The following BRD9 variants were observed in gnomAD, a reference collection of about 807,000 sequenced individuals.
The protein encoded by BRD9 is bromodomain-containing protein 9.
Under a neutral mutation model 68.7 loss-of-function variants are expected in BRD9, and 47 were observed. That is an observed-to-expected ratio of 0.68 (90% CI 0.54 to 0.87). BRD9 has a LOEUF of 0.87. BRD9 is among the 40% of genes least tolerant of loss of function. The probability of loss-of-function intolerance (pLI) is 0.00; values close to 1 mark genes in which losing one functional copy is unlikely to be tolerated. For synonymous variants in BRD9, 313 were observed against 293.9 expected, an observed-to-expected ratio of 1.06 and a Z score of -0.67; for missense variants, 670 against 748.4, an observed-to-expected ratio of 0.90 and a Z score of 1.22.
At chr5:874,538 G>A (rs1055815031) in intron 12 of BRD9, among the ~76,000 whole-genome samples, 3 of 152,176 alleles carry the variant, frequency 2.0e-5, no homozygotes, top group South Asian at 2.1e-4. Flanking sequence ...CACCAGGCAC[G>A]TGCACAATGG....
At chr5:865,085 A>G (rs1403731375) in intron 15 of BRD9, among the ~76,000 whole-genome samples, 2 of 152,226 alleles carry the variant, frequency 1.3e-5, no homozygotes, top group African/African-American at 4.8e-5. Flanking sequence ...CCACTCCAGG[A>G]CACATGGCCA....
Position 888,966 on chromosome 5 carries a change from G to T in BRD9, c.606+55C>A, listed in dbSNP as rs766207695. On this transcript the variant is annotated intron_variant, in intron 5 of 15. Coordinates refer to ENST00000467963, the MANE Select transcript of BRD9 (RefSeq NM_023924.5). ...TCTAAGGTGAATGAAGTCTTCACAA[G>T]ACATGAATACACAGAACTATGCCAC... 1.5e-4 allele frequency: 234 copies of T among 1,545,680 alleles called. 1 individual carries two copies. The highest frequency in any genetic ancestry group is 1.8e-4 in the Middle Eastern group (1 of 5,698).
chr5:867,703 T>C (rs571761747), intron 14 of BRD9, among the ~76,000 whole-genome samples: 17 of 152,350 alleles, frequency 1.1e-4, no homozygotes, highest in African/African-American at 3.6e-4. Flanking sequence ...TTTTGGCTGA[T>C]TTCTCCCTCT....
chr5:872,751 G>C (rs1008475176), intron 12 of BRD9, among the ~76,000 whole-genome samples: 3 of 152,214 alleles, frequency 2.0e-5, no homozygotes, highest in Non-Finnish European at 4.4e-5. Flanking sequence ...GGAAATTCCA[G>C]TTACTTAGAT....
intron 7 of BRD9, among the ~76,000 whole-genome samples, chr5:885,687 T>C (rs1036894345): frequency 6.6e-6 from 1 of 152,194 alleles, no homozygotes; most frequent in Non-Finnish European, 1.5e-5. Flanking sequence ...CACACGGCCA[T>C]GAGGGTGGAT....
chr5:866,674 C>A (rs756286354), intron 14 of BRD9, among the ~76,000 whole-genome samples: 2 of 152,114 alleles, frequency 1.3e-5, no homozygotes, highest in Non-Finnish European at 2.9e-5. Flanking sequence ...GCACTGTGAC[C>A]CTGCTCTAGA....
At chr5:887,582 C>CAAA in intron 5 of BRD9, 111 bp from the exon 6 acceptor site, 4 of 812,094 alleles carry the variant, frequency 4.9e-6, no homozygotes, top group Non-Finnish European at 8.3e-6. Flanking sequence ...GAGTAGAAAA[C>CAAA]AATTCAACTG....
Position 887,398 on chromosome 5 carries a change from T to C in BRD9, c.680A>G (p.Lys227Arg), listed in dbSNP as rs2150637356. 10 of 1,614,100 alleles carry C rather than the reference T, an allele frequency of 6.2e-6. No individual in the cohort carries two copies. Among genetic ancestry groups the C allele is most frequent in the Non-Finnish European group, 8.5e-6 (10 of 1,179,952 alleles). Reference sequence around the variant, plus strand: ...CTTAAAGCCTGCGTGAAGGATCTTCTTCGCCAACTTGTAGTACACGGTATC... The same window carrying C: ...CTTAAAGCCTGCGTGAAGGATCTTCCTCGCCAACTTGTAGTACACGGTATC... ...RPDTVYYKLA[K>R]KILHAGFKMM... The change falls in exon 6 of 16, where the codon AAG (lysine) becomes AGG (arginine). Residue 227 changes from lysine (K) to arginine (R), a missense_variant. Physicochemically the swap from Lys to Arg is conservative, Grantham distance 26. This residue lies in a region of BRD9 where 94 missense variants were observed against 157.2 expected (regional missense o/e 0.60). Coordinates refer to ENST00000467963, the MANE Select transcript of BRD9 (RefSeq NM_023924.5).
intron 1 of BRD9, chr5:892,343 T>A: frequency 1.4e-6 from 1 of 739,992 alleles, no homozygotes; most frequent in Non-Finnish European, 2.0e-6. Flanking sequence ...CACAGATGCT[T>A]CCCTAGTCTC....
chr5:884,250 T>C (rs945832713), intron 7 of BRD9, among the ~76,000 whole-genome samples, 180 bp from the exon 8 acceptor site: 3 of 152,130 alleles, frequency 2.0e-5, no homozygotes, highest in Non-Finnish European at 4.4e-5. Context: ...AAATGACAAA[T>C]TAAGACACTT....
chr5:877,858 C>T (rs570332784), intron 11 of BRD9, among the ~76,000 whole-genome samples: 3 of 152,044 alleles, frequency 2.0e-5, no homozygotes, highest in Admixed American at 1.3e-4. Context: ...TCCTTGAGAA[C>T]GGTAGGGTCT....
intron 11 of BRD9, 83 bp from the exon 12 acceptor site, chr5:876,295 C>A (rs1360652353): frequency 5.9e-6 from 6 of 1,025,540 alleles, no homozygotes; most frequent in Middle Eastern, 4.5e-4. Context: ...AGAAGCCTGC[C>A]GTGCCAGCGC....
At position 891,277 on chromosome 5, in the gene BRD9, T is replaced by C. The variant is rs1753341148; in HGVS notation, c.278A>G (p.Lys93Arg). The C allele has an allele frequency of 6.4e-7, 1 of 1,551,486 alleles. No individual in the cohort carries two copies. Among genetic ancestry groups the C allele is most frequent in the East Asian group, 2.4e-5 (1 of 40,908 alleles). ...ACAGTGCTCCCTCTCTCGCTTCCGC[T>C]TCTTCTCTTCCTGGGCGGCAGAGTC... ...EERRKRKEEK[K>R]RKREREHCDT... The change falls in exon 3 of 16, where the codon AAG (lysine) becomes AGG (arginine). Residue 93 changes from lysine (K) to arginine (R), a missense_variant. Physicochemically the swap from Lys to Arg is conservative, Grantham distance 26. Coordinates refer to ENST00000467963, the MANE Select transcript of BRD9 (RefSeq NM_023924.5).
At chr5:890,607 A>G (rs1753217276) in intron 3 of BRD9, among the ~76,000 whole-genome samples, 1 of 152,232 alleles carries the variant, frequency 6.6e-6, no homozygotes, top group Non-Finnish European at 1.5e-5. Flanking sequence ...CCTTTGTCTC[A>G]GCCTATGGTC....
chr5:891,574 C>G, intron 2 of BRD9, 66 bp downstream of exon 2: 1 of 1,526,112 alleles, frequency 6.6e-7, no homozygotes, highest in Non-Finnish European at 8.8e-7. Context: ...CTGCCTGGGT[C>G]CTGGGACCAG....
intron 12 of BRD9, among the ~76,000 whole-genome samples, chr5:874,944 T>C (rs1224453775): frequency 2.0e-5 from 3 of 152,184 alleles, no homozygotes; most frequent in Non-Finnish European, 4.4e-5. Flanking sequence ...GAGGCAGTGG[T>C]GGAAAATGAC....
intron 12 of BRD9, among the ~76,000 whole-genome samples, chr5:875,125 G>A (rs942064553): frequency 4.6e-5 from 7 of 152,312 alleles, no homozygotes; most frequent in Admixed American, 2.6e-4. Context: ...CTAGAGCACC[G>A]GCCAGATCCC....
chr5:882,587 C>A (rs1485081767), intron 8 of BRD9: 1 of 163,510 alleles, frequency 6.1e-6, no homozygotes, highest in Non-Finnish European at 1.3e-5. Flanking sequence ...AACTTTCCAA[C>A]ACACAAGCCA....
At chr5:870,633 TA>T in intron 13 of BRD9, 58 bp from the exon 14 acceptor site, 1 of 1,180,372 alleles carries the variant, frequency 8.5e-7, no homozygotes, top group East Asian at 2.4e-5. Flanking sequence ...AACGAAATGT[TA>T]CTTCACACTC....
Sources: allele counts gnomAD v4.1 joint callset (sites outside exome capture counted in the v4.1 genomes callset), GRCh38; gene constraint gnomAD v4.1.1; regional missense constraint gnomAD v4.1.1; transcripts MANE v1.5; gene names NCBI Gene and HGNC (gene_info 2026-07-23, HGNC 2026-07-21).